The following CADM1 variants were observed in gnomAD, a reference collection of about 807,000 sequenced individuals.
CADM1 encodes TSLC-1.
In CADM1, 15 loss-of-function variants were observed where a neutral mutation model predicts 53.1. That is an observed-to-expected ratio of 0.28 (90% confidence interval 0.19 to 0.44). CADM1 has a LOEUF of 0.44. Among genes scored for constraint, CADM1 ranks in the 20% least tolerant of loss-of-function variants. The probability of loss-of-function intolerance (pLI) is 1.00; values close to 1 mark genes in which losing one functional copy is unlikely to be tolerated. For synonymous variants in CADM1, 281 were observed against 243.0 expected (o/e 1.16, Z -1.45); for missense variants, 434 against 611.3 (o/e 0.71, Z 3.06).
intron 1 of CADM1, among the ~76,000 whole-genome samples, chr11:115,319,174 C>T (rs11215485): frequency 0.21 from 31,476 of 151,948 alleles, 4,824 homozygotes; most frequent in African/African-American, 0.43. Context: ...TTAAGCTGTG[C>T]CTGGTAAAGA....
At chr11:115,243,113 A>G (rs182703585) in intron 1 of CADM1, among the ~76,000 whole-genome samples, 8 of 152,346 alleles carry the variant, frequency 5.3e-5, no homozygotes, top group African/African-American at 1.9e-4. Flanking sequence ...ATTGAGTACT[A>G]TAAGGCCAGA....
chr11:115,284,350 A>AT (rs1239115693), intron 1 of CADM1, among the ~76,000 whole-genome samples: 2 of 152,074 alleles, frequency 1.3e-5, no homozygotes, highest in Admixed American at 1.3e-4. Flanking sequence ...AGCAGAAATA[A>AT]TTCCCACACA....
intron 10 of CADM1, among the ~76,000 whole-genome samples, chr11:115,190,098 C>A (rs1939773396): frequency 6.6e-6 from 1 of 152,210 alleles, no homozygotes; most frequent in Non-Finnish European, 1.5e-5. Context: ...AATTTCTCCA[C>A]TGCAATAACA....
At position 115,417,634 on chromosome 11, in the gene CADM1, G is replaced by A. The variant is rs568428261; in HGVS notation, c.124+86637C>T. Among the ~76,000 whole-genome samples, 10 of 152,288 alleles carry A rather than the reference G, an allele frequency of 6.6e-5. No individual in the cohort carries two copies. The East Asian group carries it at 1.4e-3, about 21-fold the overall frequency. ...AGTGAGAGACCACCAGGCAGGTGGC[G>A]TACACGGTGTGGAGATGCTGGACAA... On this transcript the variant is annotated intron_variant, in intron 1 of 11. Transcript: ENST00000331581.
intron 8 of CADM1, among the ~76,000 whole-genome samples, chr11:115,203,956 T>C (rs1342158251): frequency 6.6e-6 from 1 of 152,220 alleles, no homozygotes; most frequent in Non-Finnish European, 1.5e-5. Flanking sequence ...ATGTAAAAGG[T>C]GGCTCATGAG....
Position 115,173,974 on chromosome 11 carries a change from C to T in CADM1, c.*2500G>A, listed in dbSNP as rs1938897453. On this transcript the variant is annotated 3_prime_UTR_variant, in exon 12 of 12. Coordinates refer to ENST00000331581, the MANE Select transcript of CADM1 (RefSeq NM_001301043.2). ...CTGTACAAAGTAATACTCAACAATA[C>T]ATTTCAAACAGTGCACTGTATACTT... 1 of 958,260 alleles carries T rather than the reference C, an allele frequency of 1.0e-6. No homozygotes were observed. The highest frequency in any genetic ancestry group is 1.2e-4 in the East Asian group (1 of 8,676). The allele number at this position is 958,260 out of a possible 1,614,324, so 59.4% of individuals were successfully genotyped here. A position where few individuals can be genotyped will look rare whatever the true frequency, so the allele number is the denominator to read the frequency against.
intron 1 of CADM1, among the ~76,000 whole-genome samples, chr11:115,484,946 C>CAA (rs113318647): frequency 5.4e-5 from 5 of 91,858 alleles, no homozygotes; most frequent in African/African-American, 1.2e-4. Context: ...GACTCTGTCT[C>CAA]AAAAAAAAAA....
chr11:115,468,987 G>T (rs1948952762), intron 1 of CADM1, among the ~76,000 whole-genome samples: 1 of 152,014 alleles, frequency 6.6e-6, no homozygotes, highest in Admixed American at 6.6e-5. Context: ...ACTATTAAAA[G>T]AACAGTACAG....
chr11:115,244,652 C>T (rs773318698), intron 1 of CADM1, among the ~76,000 whole-genome samples: 1 of 152,212 alleles, frequency 6.6e-6, no homozygotes, highest in Non-Finnish European at 1.5e-5. Flanking sequence ...ATCAGATTCT[C>T]CGGCCCACAC....
At chr11:115,262,824 G>C (rs1222063117) in intron 1 of CADM1, among the ~76,000 whole-genome samples, 1 of 149,172 alleles carries the variant, frequency 6.7e-6, no homozygotes, top group Admixed American at 6.7e-5. Flanking sequence ...ATTTTATTTT[G>C]AAATACCTAA....
chr11:115,397,929 T>G (rs1947044347), intron 1 of CADM1, among the ~76,000 whole-genome samples: 1 of 152,178 alleles, frequency 6.6e-6, no homozygotes. Flanking sequence ...AAGTCTTCCC[T>G]GAATATTTGG....
chr11:115,496,218 A>C (rs1264118669), intron 1 of CADM1, among the ~76,000 whole-genome samples: 1 of 152,240 alleles, frequency 6.6e-6, no homozygotes, highest in Non-Finnish European at 1.5e-5. Context: ...AAGTCAAGAA[A>C]GAAACTTGTG....
chr11:115,258,926 T>C (rs1437217384), intron 1 of CADM1, among the ~76,000 whole-genome samples: 1 of 152,168 alleles, frequency 6.6e-6, no homozygotes. Context: ...ATGGTAGTCA[T>C]AGGTGCCCTA....
chr11:115,169,847 C>A lies in CADM1; in HGVS notation c.*6627G>T. On this transcript the variant is annotated 3_prime_UTR_variant, in exon 12 of 12. Transcript: ENST00000331581. ...AATACACAACTACAGAGAAAACAAA[C>A]CAAAAAGAGTAATAAAGTCACACAT... is the stretch of plus-strand genomic sequence containing the variant. 7.6e-6 allele frequency: 2 copies of A among 264,526 alleles called. No homozygotes were observed. The highest frequency in any genetic ancestry group is 1.5e-5 in the Non-Finnish European group (2 of 131,604). 16.4% of individuals were successfully genotyped at this position (264,526 alleles called of 1,614,324 possible).
At chr11:115,418,625 T>C (rs1163778497) in intron 1 of CADM1, among the ~76,000 whole-genome samples, 2 of 152,210 alleles carry the variant, frequency 1.3e-5, no homozygotes, top group South Asian at 2.1e-4. Flanking sequence ...TCAGAGTTTA[T>C]ACATATTAAT....
chr11:115,261,020 G>T (rs928214746), intron 1 of CADM1, among the ~76,000 whole-genome samples: 2 of 151,994 alleles, frequency 1.3e-5, no homozygotes, highest in African/African-American at 2.4e-5. Context: ...ACCTTTTTGG[G>T]AATTTGCAAT....
intron 10 of CADM1, among the ~76,000 whole-genome samples, chr11:115,180,977 C>T (rs1391673192): frequency 6.6e-6 from 1 of 152,036 alleles, no homozygotes; most frequent in Non-Finnish European, 1.5e-5. Flanking sequence ...ACATTGAGGA[C>T]AGGGGAAAGT....
chr11:115,496,908 T>A (rs894902782), intron 1 of CADM1, among the ~76,000 whole-genome samples: 3 of 152,164 alleles, frequency 2.0e-5, no homozygotes, highest in Non-Finnish European at 2.9e-5. Flanking sequence ...GCAAAAAGAT[T>A]AAAGGTTCAA....
intron 1 of CADM1, among the ~76,000 whole-genome samples, chr11:115,304,657 A>G (rs537220782): frequency 6.6e-6 from 1 of 152,178 alleles, no homozygotes; most frequent in Non-Finnish European, 1.5e-5. Flanking sequence ...CAAAGCAATA[A>G]TCTGATTGGA....
Sources: allele counts gnomAD v4.1 joint callset (sites outside exome capture counted in the v4.1 genomes callset), GRCh38; gene constraint gnomAD v4.1.1; transcripts MANE v1.5; gene names NCBI Gene and HGNC (gene_info 2026-07-23, HGNC 2026-07-21).